Variants in LRP1B observed in about 807,000 individuals in gnomAD.
LRP1B encodes the protein low-density lipoprotein receptor-related protein 1B.
LRP1B carries 217 observed loss-of-function variants against 556.6 expected under a neutral mutation model. The observed-to-expected ratio is 0.39, with a 90% confidence interval of 0.35 to 0.44. The LOEUF is 0.44. LRP1B is among the 20% of genes least tolerant of loss of function. The probability of loss-of-function intolerance (pLI) is 1.00; values close to 1 mark genes in which losing one functional copy is unlikely to be tolerated. For missense variants in LRP1B, 5,053 were observed against 5,620.8 expected (o/e 0.90, Z 3.23); for synonymous variants, 2,047 against 1,865.8 (o/e 1.10, Z -2.50).
chr2:140,269,049 T>A (rs1682337159), intron 86 of LRP1B, among the ~76,000 whole-genome samples: 1 of 152,020 alleles, frequency 6.6e-6, no homozygotes, highest in Non-Finnish European at 1.5e-5. Flanking sequence ...TTCCACAAGC[T>A]TTTTCATTTT....
intron 1 of LRP1B, among the ~76,000 whole-genome samples, chr2:141,841,169 G>T (rs192663320): frequency 5.3e-5 from 8 of 152,254 alleles, no homozygotes; most frequent in African/African-American, 1.4e-4. Flanking sequence ...CCAAGGATAA[G>T]TAATGATGTA....
rs1558854488 is a variant in LRP1B, at chr2:141,757,210, ATTT to A, written c.205+53066_205+53068del. Among the ~76,000 whole-genome samples the A allele has an allele frequency of 2.0e-5, 3 of 152,248 alleles. No individual in the cohort carries two copies. In the South Asian group the frequency reaches 6.2e-4, roughly 32 times the overall value. The stretch of plus-strand genomic sequence containing the variant: ...TTAAGTCCACTTAATTTAAAAAATA[ATTT>A]TTGAATACTCTTCTTATCGATTTCA... On this transcript the variant is annotated intron_variant, in intron 2 of 90. Coordinates refer to ENST00000389484, the MANE Select transcript of LRP1B (RefSeq NM_018557.3).
At chr2:141,943,804 A>T (rs57962631) in intron 1 of LRP1B, among the ~76,000 whole-genome samples, 2 of 152,204 alleles carry the variant, frequency 1.3e-5, no homozygotes, top group African/African-American at 4.8e-5. Context: ...TCCCAGCATC[A>T]TAATGTAGGA....
intron 23 of LRP1B, among the ~76,000 whole-genome samples, chr2:140,894,064 G>A (rs1559179457): frequency 6.6e-6 from 1 of 152,106 alleles, no homozygotes. Flanking sequence ...ATGTAAATGT[G>A]TCATTTTTTA....
chr2:141,604,374 C>T lies in LRP1B; in HGVS notation c.206-123841G>A, dbSNP rs552211869. On this transcript the variant is annotated intron_variant, in intron 2 of 90. Coordinates refer to ENST00000389484, the MANE Select transcript of LRP1B (RefSeq NM_018557.3). ...CAGAGGACATAATTTAAGATAAGCA[C>T]GGTAAAATAAGGGATTAAAAATACT... Among the ~76,000 whole-genome samples, 11 of 152,018 alleles carry T rather than the reference C, an allele frequency of 7.2e-5. No individual in the cohort carries two copies. In the East Asian group the frequency reaches 1.2e-3, roughly 16 times the overall value.
chr2:140,961,427 G>T (rs1346641), intron 18 of LRP1B, among the ~76,000 whole-genome samples: 117,590 of 151,812 alleles, frequency 0.77, 45,875 homozygotes, highest in Admixed American at 0.83. Context: ...CTACCACAAT[G>T]AAATAAAATC....
At position 141,851,501 on chromosome 2, in the gene LRP1B, G is replaced by C. The variant is rs190755361; in HGVS notation, c.83-41100C>G. On this transcript the variant is annotated intron_variant, in intron 1 of 90. Coordinates refer to ENST00000389484, the MANE Select transcript of LRP1B (RefSeq NM_018557.3). ...GTAAATAAGAAATTTAGATAGCTGTGTGAAAATTTGCCAGTGTGAAAAATC... is the reference window on the plus strand; with the variant it reads ...GTAAATAAGAAATTTAGATAGCTGTCTGAAAATTTGCCAGTGTGAAAAATC... Among the ~76,000 whole-genome samples, 265 of 151,932 alleles carry C rather than the reference G, an allele frequency of 1.7e-3. 2 individuals are homozygous for C. The highest frequency in any genetic ancestry group is 6.1e-3 in the African/African-American group (254 of 41,494).
chr2:140,472,864 A>G (rs1687826623), intron 60 of LRP1B, among the ~76,000 whole-genome samples: 1 of 152,022 alleles, frequency 6.6e-6, no homozygotes, highest in Non-Finnish European at 1.5e-5. Context: ...TTCTCAAATT[A>G]CTTTGTCATG....
chr2:140,321,144 ATG>A (rs1680096792), intron 82 of LRP1B, among the ~76,000 whole-genome samples: 1 of 152,088 alleles, frequency 6.6e-6, no homozygotes, highest in South Asian at 2.1e-4. Context: ...ATTATACCTA[ATG>A]TCTTGAATAT....
intron 41 of LRP1B, among the ~76,000 whole-genome samples, chr2:140,695,291 G>A (rs1268220939): frequency 6.6e-6 from 1 of 152,002 alleles, no homozygotes; most frequent in Non-Finnish European, 1.5e-5. Flanking sequence ...GCATATGAGA[G>A]CTTGTAGAGT....
chr2:140,491,410 T>C (rs1688694787), intron 57 of LRP1B, among the ~76,000 whole-genome samples: 1 of 151,910 alleles, frequency 6.6e-6, no homozygotes, highest in African/African-American at 2.4e-5. Context: ...AGTGAAAAAA[T>C]AGGCATGTCC....
rs565116996 is a variant in LRP1B at position 141,057,546 on chromosome 2, G to C, written c.1408+1337C>G. On this transcript the variant is annotated intron_variant, in intron 9 of 90. Coordinates refer to ENST00000389484, the MANE Select transcript of LRP1B (RefSeq NM_018557.3). ...AGTAGGAGGTAATTGAATCATGGGG[G>C]CAGGTCTTTCCCATGCTGTTCTTGT... Among the ~76,000 whole-genome samples, 21 of 151,936 alleles carry C rather than the reference G, an allele frequency of 1.4e-4. No homozygotes were observed. The South Asian group carries it at 4.4e-3, about 31-fold the overall frequency.
chr2:141,439,002 T>C (rs559750866), intron 3 of LRP1B, among the ~76,000 whole-genome samples: 1 of 152,300 alleles, frequency 6.6e-6, no homozygotes. Context: ...ATCAAAATTG[T>C]ATAATTTTGA....
At chr2:142,056,486 G>C (rs953807026) in intron 1 of LRP1B, among the ~76,000 whole-genome samples, 2 of 152,078 alleles carry the variant, frequency 1.3e-5, no homozygotes, top group African/African-American at 4.8e-5. Flanking sequence ...AATAGGAAGG[G>C]AGAGGAGTCT....
intron 2 of LRP1B, among the ~76,000 whole-genome samples, chr2:141,630,214 T>C (rs866555637): frequency 6.6e-6 from 1 of 152,124 alleles, no homozygotes; most frequent in East Asian, 1.9e-4. Flanking sequence ...ACTACAGGTA[T>C]TGGGCACAGA....
intron 3 of LRP1B, among the ~76,000 whole-genome samples, chr2:141,346,479 A>G (rs1343585741): frequency 1.3e-5 from 2 of 152,120 alleles, no homozygotes; most frequent in African/African-American, 4.8e-5. Flanking sequence ...CATAGTTATT[A>G]ACGTTCTCCT....
chr2:141,453,919 A>G (rs1213168256), intron 3 of LRP1B, among the ~76,000 whole-genome samples: 2 of 142,740 alleles, frequency 1.4e-5, no homozygotes, highest in African/African-American at 5.0e-5. Context: ...TCTCAAAAAA[A>G]AAAAAAGAAA....
At chr2:141,448,496 G>A (rs1559075788) in intron 3 of LRP1B, among the ~76,000 whole-genome samples, 1 of 152,168 alleles carries the variant, frequency 6.6e-6, no homozygotes, top group Non-Finnish European at 1.5e-5. Context: ...CTTGGTGTCT[G>A]CCTAAAAGGC....
At chr2:140,940,660 C>T (rs1695373537) in intron 20 of LRP1B, among the ~76,000 whole-genome samples, 1 of 152,130 alleles carries the variant, frequency 6.6e-6, no homozygotes, top group Non-Finnish European at 1.5e-5. Flanking sequence ...GACTGTTCGC[C>T]AAGTCTATCA....
Sources: gnomAD v4.1 joint callset for allele counts (sites outside exome capture counted in the v4.1 genomes callset) on GRCh38, gnomAD v4.1.1 for gene constraint, MANE v1.5 for transcripts, NCBI Gene and HGNC (gene_info 2026-07-23, HGNC 2026-07-21) for gene names.